The following CHRNB3 variants were observed in gnomAD, a reference collection of about 807,000 sequenced individuals.
The protein encoded by CHRNB3 is cholinergic receptor nicotinic beta 3 subunit.
A neutral mutation model predicts 40.6 loss-of-function variants in CHRNB3; 37 were observed. The observed-to-expected ratio is 0.91, with a 90% CI of 0.70 to 1.20. The LOEUF (loss-of-function observed/expected upper bound fraction) is 1.20. Ranked by LOEUF, CHRNB3 falls within the 50% of genes most tolerant of loss-of-function variation. The probability of loss-of-function intolerance (pLI) is 0.00; values close to 1 mark genes in which losing one functional copy is unlikely to be tolerated. For synonymous variants in CHRNB3, 207 were observed against 207.1 expected (o/e 1.00, Z 0.00); for missense variants, 505 against 551.2 (o/e 0.92, Z 0.84).
intron 4 of CHRNB3, among the ~76,000 whole-genome samples, chr8:42,731,456 G>T (rs1279146037): frequency 6.6e-6 from 1 of 152,152 alleles, no homozygotes; most frequent in East Asian, 1.9e-4. Context: ...TCAGGAGGCT[G>T]AAGCAGGCAA....
At chr8:42,713,828 A>G (rs1222576352) in intron 3 of CHRNB3, among the ~76,000 whole-genome samples, 2 of 152,200 alleles carry the variant, frequency 1.3e-5, no homozygotes, top group African/African-American at 2.4e-5. Context: ...TTATAGAGAT[A>G]GAAGAGTCCA....
Position 42,706,781 on chromosome 8 carries a change from G to C in CHRNB3, c.53-1936G>C, listed in dbSNP as rs139305753. On this transcript the variant is annotated intron_variant, in intron 1 of 5. Transcript: ENST00000289957. ...GTTTATTAAAAAAAATTTTTTTTGA[G>C]ACAGGGTCTTGCTCTGTCACCTAGG... is the stretch of plus-strand genomic sequence containing the variant. 5.9e-5 allele frequency among the ~76,000 whole-genome samples: 9 copies of C among 152,050 alleles called. No individual in the cohort carries two copies. The East Asian group carries it at 1.7e-3, about 29-fold the overall frequency.
intron 3 of CHRNB3, chr8:42,726,151 G>T: frequency 7.3e-7 from 1 of 1,368,792 alleles, no homozygotes; most frequent in Non-Finnish European, 1.0e-6. Flanking sequence ...GGGTGGCTTT[G>T]AGGGCTTGAT....
At chr8:42,701,835 A>G (rs933464811) in intron 1 of CHRNB3, among the ~76,000 whole-genome samples, 4 of 152,160 alleles carry the variant, frequency 2.6e-5, no homozygotes, top group Non-Finnish European at 5.9e-5. Context: ...AAAACAGCAA[A>G]TATCTGGGGT....
intron 3 of CHRNB3, among the ~76,000 whole-genome samples, chr8:42,717,408 C>CAAAAAAAAAAAAA (rs1816134324): frequency 4.1e-5 from 3 of 73,740 alleles, no homozygotes; most frequent in African/African-American, 9.4e-5. Flanking sequence ...AAAAAAAAGC[C>CAAAAAAAAAAAAA]GACCTGTTGT....
intron 1 of CHRNB3, among the ~76,000 whole-genome samples, chr8:42,698,037 T>TAA (rs1815707147): frequency 6.6e-6 from 1 of 152,218 alleles, no homozygotes; most frequent in Admixed American, 6.5e-5. Flanking sequence ...TAGGCCTATA[T>TAA]ATTTTAATAA....
chr8:42,736,785 G>A lies in CHRNB3; in HGVS notation c.*167G>A. On this transcript the variant is annotated 3_prime_UTR_variant, in exon 6 of 6. Coordinates refer to ENST00000289957, the MANE Select transcript of CHRNB3 (RefSeq NM_000749.5). Reference sequence around the variant, plus strand: ...ACTCTGGTAAATGTGCTCATTTGTGGTTGCCATGAGAGTGAGCTGCTTTTA... The same window carrying A: ...ACTCTGGTAAATGTGCTCATTTGTGATTGCCATGAGAGTGAGCTGCTTTTA... The A allele has an allele frequency of 2.4e-6, 2 of 845,854 alleles. No individual in the cohort carries two copies. Among genetic ancestry groups the A allele is most frequent in the Non-Finnish European group, 3.7e-6 (2 of 542,536 alleles). The allele number at this position is 845,854 out of a possible 1,614,324, so 52.4% of individuals were successfully genotyped here.
At chr8:42,725,643 G>C in intron 3 of CHRNB3, 1 of 1,125,194 alleles carries the variant, frequency 8.9e-7, no homozygotes, top group Non-Finnish European at 1.3e-6. Context: ...TAGCATGACG[G>C]GCCACTGAGA....
At chr8:42,733,550 G>A (rs913555907) in intron 5 of CHRNB3, among the ~76,000 whole-genome samples, 17 of 150,728 alleles carry the variant, frequency 1.1e-4, no homozygotes, top group Non-Finnish European at 2.5e-4. Flanking sequence ...CAGTCAACAA[G>A]TGTGAATTCT....
chr8:42,724,635 T>A (rs1437827736), intron 3 of CHRNB3, among the ~76,000 whole-genome samples: 6 of 152,088 alleles, frequency 3.9e-5, no homozygotes, highest in Non-Finnish European at 8.8e-5. Context: ...GCAGGACTCC[T>A]TCCTCCATGG....
At chr8:42,713,058 C>T (rs1456877823) in intron 3 of CHRNB3, among the ~76,000 whole-genome samples, 3 of 151,918 alleles carry the variant, frequency 2.0e-5, no homozygotes, top group East Asian at 1.9e-4. Flanking sequence ...GACGGGGTTT[C>T]AGCATGTTGG....
intron 5 of CHRNB3, among the ~76,000 whole-genome samples, chr8:42,733,652 G>A (rs1301591923): frequency 6.8e-6 from 1 of 146,008 alleles, no homozygotes; most frequent in Non-Finnish European, 1.5e-5. Context: ...GAGTGCGGTG[G>A]TGTGATCTCA....
chr8:42,709,514 C>A (rs1444482279), intron 2 of CHRNB3, among the ~76,000 whole-genome samples: 1 of 152,188 alleles, frequency 6.6e-6, no homozygotes, highest in Non-Finnish European at 1.5e-5. Flanking sequence ...CACCCTACTA[C>A]ACACATGTGC....
At chr8:42,715,976 CTTTTTTTTTT>C (rs34401500) in intron 3 of CHRNB3, among the ~76,000 whole-genome samples, 2 of 124,176 alleles carry the variant, frequency 1.6e-5, no homozygotes, top group African/African-American at 2.9e-5. Flanking sequence ...TTAAACTGAC[CTTTTTTTTTT>C]TTTTTTTTTT....
In CHRNB3 at chr8:42,731,905, G is replaced by T; in HGVS notation, c.598G>T (p.Glu200Ter). 1 of 1,614,138 alleles carries T rather than the reference G, an allele frequency of 6.2e-7. No homozygotes were observed. Among genetic ancestry groups the T allele is most frequent in the Non-Finnish European group, 8.5e-7 (1 of 1,180,022 alleles). Reference protein sequence around the residue: ...VDRKDFFDNGEWEILNAKGMK... With the variant: ...VDRKDFFDNG ...CAGAAAAGACTTCTTCGATAACGGA[G>T]AATGGGAAATACTGAACGCAAAGGG... The change falls in exon 5 of 6, where the codon GAA becomes TAA. Residue 200 changes from glutamate to a stop codon, truncating the protein, a stop_gained. Transcript: ENST00000289957. LOFTEE classifies it high-confidence loss of function.
chr8:42,732,160 A>G lies in CHRNB3; in HGVS notation c.853A>G (p.Ile285Val), dbSNP rs1563616737. 6.2e-7 allele frequency: 1 copy of G among 1,610,622 alleles called. No homozygotes were observed. The highest frequency in any genetic ancestry group is 2.2e-5 in the East Asian group (1 of 44,892). The change falls in exon 5 of 6, where the codon ATC (isoleucine) becomes GTC (valine). Residue 285 changes from isoleucine (I) to valine (V), a missense_variant. Physicochemically the swap from Ile to Val is conservative, Grantham distance 29. Coordinates refer to ENST00000289957, the MANE Select transcript of CHRNB3 (RefSeq NM_000749.5). ...AGTTTTCCTTTTAGTGATTGAAGAA[A>G]TCATCCCATCGTCTTCCAAAGTCAT... is the stretch of plus-strand genomic sequence containing the variant. ...LTVFLLVIEE[I>V]IPSSSKVIPL... is the part of the protein sequence containing the mutation.
In CHRNB3 at chr8:42,736,946, A is replaced by G. The variant is rs1816536421; in HGVS notation, c.*328A>G. ...GCTACTTGGTGGAGGAACACCTCCT[A>G]GAAGCAGCAGGCCTCGGTGGTGGGG... On this transcript the variant is annotated 3_prime_UTR_variant, in exon 6 of 6. Coordinates refer to ENST00000289957, the MANE Select transcript of CHRNB3 (RefSeq NM_000749.5). 4.3e-6 allele frequency: 1 copy of G among 233,120 alleles called. No homozygotes were observed. Among genetic ancestry groups the G allele is most frequent in the East Asian group, 9.7e-5 (1 of 10,314 alleles). The allele number at this position is 233,120 out of a possible 1,614,324, so 14.4% of individuals were successfully genotyped here.
At chr8:42,736,231 T>C (rs1013128418) in intron 5 of CHRNB3, among the ~76,000 whole-genome samples, 15 of 152,206 alleles carry the variant, frequency 9.9e-5, no homozygotes, top group African/African-American at 3.4e-4. Flanking sequence ...TGTTGACATA[T>C]GCATACAGAA....
intron 1 of CHRNB3, among the ~76,000 whole-genome samples, chr8:42,698,547 C>T (rs1815718832): frequency 6.6e-6 from 1 of 152,156 alleles, no homozygotes; most frequent in African/African-American, 2.4e-5. Flanking sequence ...CCCAAGGCTG[C>T]GAGGCACCTG....
Sources: allele counts gnomAD v4.1 joint callset (sites outside exome capture counted in the v4.1 genomes callset), GRCh38; gene constraint gnomAD v4.1.1; transcripts MANE v1.5; gene names NCBI Gene and HGNC (gene_info 2026-07-23, HGNC 2026-07-21).